Variants in VPS13D observed in about 807,000 individuals in gnomAD.
The protein encoded by VPS13D is intermembrane lipid transfer protein VPS13D.
VPS13D carries 187 observed loss-of-function variants against 461.9 expected under a neutral mutation model. That is an observed-to-expected ratio of 0.40 (90% confidence interval 0.36 to 0.46). The LOEUF (loss-of-function observed/expected upper bound fraction) is 0.46, where lower values mean the gene tolerates loss of function less well. VPS13D is among the 20% of genes least tolerant of loss of function. VPS13D has a pLI of 0.60. For synonymous variants in VPS13D, 1,951 were observed against 1,986.3 expected, an observed-to-expected ratio of 0.98 and a Z score of 0.47; for missense variants, 4,711 against 5,364.9, an observed-to-expected ratio of 0.88 and a Z score of 3.81.
At position 12,353,833 on chromosome 1, in the gene VPS13D, T is replaced by C; in HGVS notation, c.9432-141T>C. 3.5e-6 allele frequency: 3 copies of C among 853,806 alleles called. No homozygotes were observed. The East Asian group carries it at 8.0e-5, about 23-fold the overall frequency. The allele number at this position is 853,806 out of a possible 1,614,324, so 52.9% of individuals were successfully genotyped here. ...ATATTATTGTGCATTTATATCTTAA[T>C]AAATGTATTTGGATTGAAAACTGCA... On this transcript the variant is annotated intron_variant, in intron 46 of 69. Transcript: ENST00000620676.
At chr1:12,426,020 T>A (rs1375631933) in intron 65 of VPS13D, among the ~76,000 whole-genome samples, 1 of 152,260 alleles carries the variant, frequency 6.6e-6, no homozygotes, top group African/African-American at 2.4e-5. Flanking sequence ...GTGTTGGGCC[T>A]TGGAATTTTC....
chr1:12,387,528 T>C (rs1375317749), intron 60 of VPS13D, among the ~76,000 whole-genome samples: 2 of 151,532 alleles, frequency 1.3e-5, no homozygotes, highest in Non-Finnish European at 2.9e-5. Flanking sequence ...TTAATGTAAC[T>C]GTATTCTCTG....
intron 37 of VPS13D, among the ~76,000 whole-genome samples, chr1:12,332,117 A>G (rs978774655): frequency 3.3e-5 from 5 of 152,220 alleles, no homozygotes; most frequent in Admixed American, 6.5e-5. Context: ...ATACATTACT[A>G]CCACTACTGT....
chr1:12,333,544 C>T lies in VPS13D; in HGVS notation c.8428+178C>T, dbSNP rs61269456. On this transcript the variant is annotated intron_variant, in intron 38 of 69. Transcript: ENST00000620676. ...CTTGATTCTCAACCTGTTTCTCCAC[C>T]GTTGGCATCCCATAATGATGCTATC... Among the ~76,000 whole-genome samples, 641 of 152,280 alleles carry T rather than the reference C, an allele frequency of 4.2e-3. 5 individuals are homozygous for T. The highest frequency in any genetic ancestry group is 0.014 in the African/African-American group (602 of 41,554).
At chr1:12,396,789 T>G (rs1018560550) in intron 60 of VPS13D, among the ~76,000 whole-genome samples, 20 of 152,250 alleles carry the variant, frequency 1.3e-4, no homozygotes, top group Non-Finnish European at 2.8e-4. Flanking sequence ...TCCTATTTAT[T>G]TGTGCACAGA....
At chr1:12,302,250 A>G (rs1039648359) in intron 25 of VPS13D, among the ~76,000 whole-genome samples, 10 of 152,206 alleles carry the variant, frequency 6.6e-5, no homozygotes, top group Non-Finnish European at 1.2e-4. Flanking sequence ...GCACAACTGT[A>G]TTTATTTGTG....
At chr1:12,287,595 AACTG>A (rs1477600384) in intron 21 of VPS13D, among the ~76,000 whole-genome samples, 1 of 152,210 alleles carries the variant, frequency 6.6e-6, no homozygotes, top group African/African-American at 2.4e-5. Flanking sequence ...GGTTGTTGGG[AACTG>A]ACTCAACAAA....
intron 51 of VPS13D, 97 bp from the exon 52 acceptor site, chr1:12,362,975 G>A (rs996712298): frequency 1.8e-5 from 29 of 1,578,508 alleles, no homozygotes; most frequent in Non-Finnish European, 2.4e-5. Flanking sequence ...TACCCAGATA[G>A]CTCCTGTTAG....
At position 12,327,721 on chromosome 1, in the gene VPS13D, C is replaced by T. The variant is rs1423458241; in HGVS notation, c.8064C>T (p.Thr2688=). 3.1e-6 allele frequency: 5 copies of T among 1,614,132 alleles called. No individual in the cohort carries two copies. The highest frequency in any genetic ancestry group is 4.2e-6 in the Non-Finnish European group (5 of 1,180,018). ...TGAAGTCTCTTTCCTTGGCCTCCAC[C>T]AGCCGAGATAGCCCAGGGGCTGTGG... ...EPLKSLSLAS[T]SRDSPGAVAA... is the part of the protein sequence containing the mutation. The change falls in exon 36 of 70, where the codon ACC becomes ACT. Residue 2688 remains threonine (T), a synonymous_variant. Transcript: ENST00000620676.
chr1:12,405,966 C>G (rs923366469), intron 63 of VPS13D, among the ~76,000 whole-genome samples: 13 of 152,346 alleles, frequency 8.5e-5, no homozygotes, highest in Admixed American at 6.5e-5. Context: ...CAGCCCCCCC[C>G]AGTTACATGA....
chr1:12,504,745 C>T (rs913500048), intron 68 of VPS13D, among the ~76,000 whole-genome samples: 1 of 152,182 alleles, frequency 6.6e-6, no homozygotes, highest in African/African-American at 2.4e-5. Context: ...TGGTTCTGGC[C>T]TGATGGAGGA....
At chr1:12,314,655 G>A (rs1397486034) in intron 30 of VPS13D, among the ~76,000 whole-genome samples, 4 of 152,160 alleles carry the variant, frequency 2.6e-5, no homozygotes. Flanking sequence ...AAGGAAAAAA[G>A]TAAAAAGACT....
chr1:12,250,645 T>A (rs1230486087), intron 6 of VPS13D, among the ~76,000 whole-genome samples: 2 of 152,222 alleles, frequency 1.3e-5, no homozygotes, highest in Non-Finnish European at 2.9e-5. Flanking sequence ...TTTCCATGAT[T>A]TAACTCATTT....
chr1:12,456,245 T>C, intron 66 of VPS13D, 115 bp downstream of exon 66: 2 of 1,417,034 alleles, frequency 1.4e-6, no homozygotes, highest in Non-Finnish European at 1.8e-6. Flanking sequence ...GGCTCATGCT[T>C]GTAATCCCAG....
intron 1 of VPS13D, among the ~76,000 whole-genome samples, chr1:12,232,637 C>CTTTTTTTTTTTTTT (rs772757546): frequency 2.8e-5 from 2 of 71,022 alleles, no homozygotes; most frequent in African/African-American, 1.1e-4. Flanking sequence ...TAAAATTAGT[C>CTTTTTTTTTTTTTT]TTTTTTTTTT....
At chr1:12,278,236 A>C (rs552345348) in intron 19 of VPS13D, among the ~76,000 whole-genome samples, 198 bp downstream of exon 19, 1 of 152,112 alleles carries the variant, frequency 6.6e-6, no homozygotes, top group African/African-American at 2.4e-5. Flanking sequence ...TTAATGTCAT[A>C]TTTGACAAAA....
At position 12,507,002 on chromosome 1, in the gene VPS13D, A is replaced by T; in HGVS notation, c.12944A>T (p.Asp4315Val). Residue 4315 changes from aspartate to valine, a missense_variant, in exon 69 of 70, where the codon GAC (aspartate) becomes GTC (valine). By Grantham distance (152) the Asp-to-Val change is radical. Coordinates refer to ENST00000620676, the MANE Select transcript of VPS13D (RefSeq NM_015378.4). This position sits in a 1 kb window ranked among gnomAD's most constrained non-coding sequence, Gnocchi z 5.3. ...CTCTACCACTGCCTTGTCTCCAAAG[A>T]CCATGGGAAGGTGTATGTGCAGGTG... ...DDLYHCLVSK[D>V]HGKVYVQVTK... 1 of 1,614,262 alleles carries T rather than the reference A, an allele frequency of 6.2e-7. No homozygotes were observed. Among genetic ancestry groups the T allele is most frequent in the Non-Finnish European group, 8.5e-7 (1 of 1,180,052 alleles).
intron 24 of VPS13D, among the ~76,000 whole-genome samples, chr1:12,296,970 G>A (rs1642297012): frequency 1.3e-5 from 2 of 152,190 alleles, no homozygotes; most frequent in African/African-American, 4.8e-5. Context: ...TATAAGACAA[G>A]TAGGAGGTTA....
At position 12,327,861 on chromosome 1, in the gene VPS13D, G is replaced by C. The variant is rs1358022393; in HGVS notation, c.8197+7G>C. 3 of 1,611,974 alleles carry C rather than the reference G, an allele frequency of 1.9e-6. No homozygotes were observed. In the African/African-American group the frequency reaches 4.0e-5, roughly 22 times the overall value. On this transcript the variant is annotated splice_region_variant and intron_variant, in intron 36 of 69. Transcript: ENST00000620676. The stretch of plus-strand genomic sequence containing the variant: ...GCTGAACTCACCTTTTCCCGTGAGT[G>C]TTGTACTGGTTTTCAGATTCATCTT...
Sources: gnomAD v4.1 joint callset for allele counts (sites outside exome capture counted in the v4.1 genomes callset) on GRCh38, gnomAD v4.1.1 for gene constraint, Gnocchi (gnomAD v3.1) non-coding constraint, MANE v1.5 for transcripts, NCBI Gene and HGNC (gene_info 2026-07-23, HGNC 2026-07-21) for gene names.